Variants in FAM78B observed in about 807,000 individuals in gnomAD.
FAM78B encodes family with sequence similarity 78 member B, also known as protein FAM78B.
A neutral mutation model predicts 20.0 loss-of-function variants in FAM78B; 10 were observed. The observed-to-expected ratio is 0.50, with a 90% CI of 0.31 to 0.85. The LOEUF (loss-of-function observed/expected upper bound fraction) is 0.85, where lower values mean the gene tolerates loss of function less well. Ranked by LOEUF, FAM78B falls within the 40% of genes least tolerant of loss-of-function variation. The pLI is 0.05. For synonymous variants in FAM78B, 135 were observed against 132.8 expected, an observed-to-expected ratio of 1.02 and a Z score of -0.12; for missense variants, 283 against 345.0, an observed-to-expected ratio of 0.82 and a Z score of 1.42.
intron 1 of FAM78B, chr1:166,086,942 G>A (rs1357876230): frequency 6.6e-6 from 1 of 151,892 alleles, no homozygotes; most frequent in Non-Finnish European, 1.5e-5. Context: ...GCTACATGCA[G>A]TGTGGCCACA....
chr1:166,138,418 G>A (rs1655153230), intron 1 of FAM78B, among the ~76,000 whole-genome samples: 1 of 151,978 alleles, frequency 6.6e-6, no homozygotes, highest in Non-Finnish European at 1.5e-5. Flanking sequence ...CACAATGCAT[G>A]TTTCTAAAGT....
At chr1:166,097,785 C>T (rs746812535) in intron 1 of FAM78B, among the ~76,000 whole-genome samples, 3 of 151,758 alleles carry the variant, frequency 2.0e-5, no homozygotes, top group Non-Finnish European at 4.4e-5. Flanking sequence ...CCTGATGGTC[C>T]TTCCCTACAC....
chr1:166,109,626 G>T (rs1467966103), intron 1 of FAM78B, among the ~76,000 whole-genome samples: 1 of 150,984 alleles, frequency 6.6e-6, no homozygotes, highest in African/African-American at 2.4e-5. Context: ...ACTAAAAGTA[G>T]AACTACCATT....
intron 1 of FAM78B, chr1:166,154,778 C>T (rs746970999): frequency 2.0e-6 from 1 of 498,050 alleles, no homozygotes; most frequent in East Asian, 5.8e-5. Flanking sequence ...AGTCTGAATC[C>T]TGGTTCTGTC....
chr1:166,056,697 A>G (rs1224257662), downstream of FAM78B, among the ~76,000 whole-genome samples: 1 of 152,252 alleles, frequency 6.6e-6, no homozygotes, highest in Non-Finnish European at 1.5e-5. Flanking sequence ...GCAAAGCAGA[A>G]TCTGGTCAAG....
intron 1 of FAM78B, among the ~76,000 whole-genome samples, chr1:166,096,743 T>A (rs1327195860): frequency 6.6e-6 from 1 of 152,170 alleles, no homozygotes; most frequent in Admixed American, 6.5e-5. Context: ...CAGCTATGCC[T>A]GCATCCCACC....
chr1:166,074,555 A>G (rs1652192114), intron 1 of FAM78B, among the ~76,000 whole-genome samples: 1 of 152,218 alleles, frequency 6.6e-6, no homozygotes, highest in African/African-American at 2.4e-5. Flanking sequence ...TAAAAGAGTA[A>G]ATACTTTATT....
chr1:166,139,836 A>G (rs968019910), intron 1 of FAM78B, among the ~76,000 whole-genome samples: 8 of 152,208 alleles, frequency 5.3e-5, no homozygotes, highest in Admixed American at 3.9e-4. Context: ...CAGAGAGCTC[A>G]TAAGAGTTGC....
chr1:166,143,127 C>A (rs1238476962), intron 1 of FAM78B, among the ~76,000 whole-genome samples: 2 of 152,028 alleles, frequency 1.3e-5, no homozygotes, highest in Non-Finnish European at 2.9e-5. Context: ...ATGACAGTAC[C>A]CAATATAGGG....
intron 1 of FAM78B, among the ~76,000 whole-genome samples, chr1:166,085,460 C>G (rs1340432723): frequency 6.6e-6 from 1 of 152,194 alleles, no homozygotes; most frequent in Non-Finnish European, 1.5e-5. Flanking sequence ...TTATTCCCAT[C>G]TGATTTGGGA....
chr1:166,105,331 C>A (rs531409594), intron 1 of FAM78B, among the ~76,000 whole-genome samples: 2 of 152,166 alleles, frequency 1.3e-5, no homozygotes, highest in South Asian at 2.1e-4. Context: ...AAAGCAATGG[C>A]AACAAAAGCC....
chr1:166,148,931 G>A (rs1453547624), intron 1 of FAM78B, among the ~76,000 whole-genome samples: 1 of 152,204 alleles, frequency 6.6e-6, no homozygotes, highest in Non-Finnish European at 1.5e-5. Context: ...TACTGAGAAT[G>A]ATGATTTCCA....
At chr1:166,058,856 G>A (rs1386275791) in exon 3 of FAM78B, 1 of 152,430 alleles carries the variant, frequency 6.6e-6, no homozygotes, top group Non-Finnish European at 1.5e-5. Flanking sequence ...GGATTTGAAT[G>A]CACAGTAGCT....
Position 166,125,539 on chromosome 1 carries a change from C to A in FAM78B, c.263+40447G>T, listed in dbSNP as rs142741986. On this transcript the variant is annotated intron_variant, in intron 1 of 1. Transcript: ENST00000354422. ...TGATGAGAGAAGCCTTTTATTGAGT[C>A]CTTCCTATGGGTCAGGCATTGAGCT... 3.2e-3 allele frequency among the ~76,000 whole-genome samples: 494 copies of A among 152,276 alleles called. 1 individual carries two copies. Among genetic ancestry groups the A allele is most frequent in the Non-Finnish European group, 4.8e-3 (328 of 68,016 alleles).
intron 1 of FAM78B, among the ~76,000 whole-genome samples, chr1:166,141,136 C>T (rs577945955): frequency 2.0e-5 from 3 of 152,278 alleles, no homozygotes; most frequent in South Asian, 2.1e-4. Flanking sequence ...GCTCACCTGC[C>T]GTAGTCCAGG....
chr1:166,118,533 A>G (rs12410779), intron 1 of FAM78B, among the ~76,000 whole-genome samples: 4,128 of 152,196 alleles, frequency 0.027, 257 homozygotes, highest in Admixed American at 0.14. Context: ...ACTATGGCCT[A>G]CTGCTTGTTT....
chr1:166,080,004 C>T (rs751965372), intron 1 of FAM78B, among the ~76,000 whole-genome samples: 82 of 152,154 alleles, frequency 5.4e-4, no homozygotes, highest in Non-Finnish European at 1.0e-3. Flanking sequence ...GTCACGTCTA[C>T]TTTGTACATC....
intron 1 of FAM78B, among the ~76,000 whole-genome samples, chr1:166,107,135 A>G (rs1486454519): frequency 1.3e-5 from 2 of 152,192 alleles, no homozygotes; most frequent in African/African-American, 4.8e-5. Flanking sequence ...AGTAGAAGAA[A>G]GAAAATAACC....
intron 1 of FAM78B, among the ~76,000 whole-genome samples, chr1:166,090,622 G>A (rs548650050): frequency 7.9e-5 from 12 of 152,328 alleles, no homozygotes; most frequent in Non-Finnish European, 1.6e-4. Context: ...TGAGCCATCA[G>A]TTCGAATGAT....
Sources: allele counts gnomAD v4.1 joint callset (sites outside exome capture counted in the v4.1 genomes callset), GRCh38; gene constraint gnomAD v4.1.1; transcripts MANE v1.5; gene names NCBI Gene and HGNC (gene_info 2026-07-23, HGNC 2026-07-21).